The following EPB41L4A variants were observed in gnomAD, a reference collection of about 807,000 sequenced individuals.
The protein encoded by EPB41L4A is band 4.1-like protein 4A.
A neutral mutation model predicts 108.6 loss-of-function variants in EPB41L4A; 100 were observed. That is an observed-to-expected ratio of 0.92 (90% CI 0.78 to 1.09). EPB41L4A has a LOEUF of 1.09. Among genes scored for constraint, EPB41L4A ranks in the 50% least tolerant of loss-of-function variants. EPB41L4A has a pLI of 0.00. For synonymous variants in EPB41L4A, 319 were observed against 289.0 expected (o/e 1.10, Z -1.05); for missense variants, 1,030 against 842.7 (o/e 1.22, Z -2.75).
intron 4 of EPB41L4A, among the ~76,000 whole-genome samples, chr5:112,267,709 C>T (rs1381561677): frequency 6.6e-6 from 1 of 152,128 alleles, no homozygotes; most frequent in African/African-American, 2.4e-5. Flanking sequence ...CTCATACTTA[C>T]TTTCCTTCCA....
At chr5:112,328,312 A>C (rs2150653518) in intron 1 of EPB41L4A, among the ~76,000 whole-genome samples, 1 of 152,262 alleles carries the variant, frequency 6.6e-6, no homozygotes, top group East Asian at 1.9e-4. Context: ...CCGACACAAA[A>C]AAAATAAAAA....
chr5:112,212,904 C>T (rs1747315010), intron 12 of EPB41L4A, among the ~76,000 whole-genome samples: 2 of 152,174 alleles, frequency 1.3e-5, no homozygotes, highest in Admixed American at 1.3e-4. Context: ...GTCTAACAAT[C>T]AATTACTTTA....
At chr5:112,280,374 C>T in intron 2 of EPB41L4A, 51 bp from the exon 3 acceptor site, 1 of 1,521,810 alleles carries the variant, frequency 6.6e-7, no homozygotes, top group South Asian at 1.1e-5. Context: ...TTTTCATTAG[C>T]TTTTACTTCA....
chr5:112,373,493 T>C (rs1174503299), intron 1 of EPB41L4A, among the ~76,000 whole-genome samples: 1 of 152,250 alleles, frequency 6.6e-6, no homozygotes, highest in Admixed American at 6.5e-5. Context: ...ACCTATATCT[T>C]ATTTCCATTA....
At chr5:112,373,414 C>T (rs1463763639) in intron 1 of EPB41L4A, among the ~76,000 whole-genome samples, 1 of 152,236 alleles carries the variant, frequency 6.6e-6, no homozygotes, top group Non-Finnish European at 1.5e-5. Flanking sequence ...GGTTTCCTCT[C>T]TCCCTATAGC....
chr5:112,181,384 G>A (rs6875983), intron 18 of EPB41L4A, among the ~76,000 whole-genome samples: 3,256 of 151,952 alleles, frequency 0.021, 115 homozygotes, highest in African/African-American at 0.066. Context: ...CCCGGGAGGC[G>A]GAGCTTGCAG....
intron 1 of EPB41L4A, among the ~76,000 whole-genome samples, chr5:112,402,894 G>C (rs1330750297): frequency 6.6e-6 from 1 of 152,098 alleles, no homozygotes; most frequent in Non-Finnish European, 1.5e-5. Context: ...TTAAAAGGAA[G>C]ATTAAGCCTT....
chr5:112,337,418 A>G (rs1051936320), intron 1 of EPB41L4A, among the ~76,000 whole-genome samples: 1 of 152,196 alleles, frequency 6.6e-6, no homozygotes, highest in South Asian at 2.1e-4. Flanking sequence ...CAGTAATGCT[A>G]CTAATAATTG....
At chr5:112,172,262 G>A (rs1029722513) in intron 18 of EPB41L4A, among the ~76,000 whole-genome samples, 3 of 152,142 alleles carry the variant, frequency 2.0e-5, no homozygotes, top group African/African-American at 7.2e-5. Context: ...TGTAATCCCA[G>A]CACTTTGGGA....
At chr5:112,182,501 A>C (rs1209808832) in intron 18 of EPB41L4A, among the ~76,000 whole-genome samples, 1 of 152,140 alleles carries the variant, frequency 6.6e-6, no homozygotes, top group Non-Finnish European at 1.5e-5. Context: ...ACTTTTTCTA[A>C]TTTTATTTTA....
At chr5:112,335,335 G>C (rs1446760476) in intron 1 of EPB41L4A, among the ~76,000 whole-genome samples, 1 of 152,200 alleles carries the variant, frequency 6.6e-6, no homozygotes, top group Non-Finnish European at 1.5e-5. Flanking sequence ...ATAAGAGGAA[G>C]ATTAATCGAT....
chr5:112,177,350 T>C (rs1760920619), intron 18 of EPB41L4A, among the ~76,000 whole-genome samples: 1 of 152,220 alleles, frequency 6.6e-6, no homozygotes, highest in East Asian at 1.9e-4. Flanking sequence ...TCCTCTTCTG[T>C]CACCTCTTCC....
rs80215142 is a variant in EPB41L4A, at chr5:112,336,952, G to A, written c.100-29462C>T. Among the ~76,000 whole-genome samples, 660 of 152,176 alleles carry A rather than the reference G, an allele frequency of 4.3e-3. 3 individuals are homozygous for A. The highest frequency in any genetic ancestry group is 0.014 in the Middle Eastern group (4 of 294). On this transcript the variant is annotated intron_variant, in intron 1 of 22. Transcript: ENST00000261486. ...GTCTGTTCATATACCTTGCTCATAA[G>A]ACAACAAATACAACCTGTCTGTAGT...
At chr5:112,269,351 G>A (rs1392299354) in intron 4 of EPB41L4A, among the ~76,000 whole-genome samples, 1 of 151,812 alleles carries the variant, frequency 6.6e-6, no homozygotes, top group Non-Finnish European at 1.5e-5. Flanking sequence ...AGAGTCATAA[G>A]GCAAATTTGT....
At chr5:112,195,779 GAGTTTCACTTC>G in intron 15 of EPB41L4A, 71 bp from the exon 16 acceptor site, 2 of 1,343,460 alleles carry the variant, frequency 1.5e-6, no homozygotes, top group Non-Finnish European at 2.1e-6. Flanking sequence ...ACACCAAAAT[GAGTTTCACTTC>G]AGTTAACACA....
intron 9 of EPB41L4A, among the ~76,000 whole-genome samples, chr5:112,247,708 T>G (rs1244138194): frequency 6.6e-6 from 1 of 152,188 alleles, no homozygotes; most frequent in Non-Finnish European, 1.5e-5. Flanking sequence ...ATTGGGGGTT[T>G]GAGTCAGGTT....
chr5:112,412,917 C>T (rs1276586908), intron 1 of EPB41L4A, among the ~76,000 whole-genome samples: 2 of 152,216 alleles, frequency 1.3e-5, no homozygotes, highest in African/African-American at 4.8e-5. Context: ...AATGTATTTA[C>T]ACCATCTTTT....
intron 12 of EPB41L4A, among the ~76,000 whole-genome samples, chr5:112,147,162 CTT>C (rs1759289494): frequency 6.6e-6 from 1 of 151,734 alleles, no homozygotes; most frequent in Admixed American, 6.6e-5. Flanking sequence ...CCAGGAATGT[CTT>C]GAATTAGTAT....
chr5:112,233,936 C>A (rs1749140873), intron 12 of EPB41L4A, among the ~76,000 whole-genome samples: 1 of 152,064 alleles, frequency 6.6e-6, no homozygotes, highest in Admixed American at 6.5e-5. Context: ...TCCAGCCATC[C>A]TCCTGCTTCA....
Sources: allele counts gnomAD v4.1 joint callset (sites outside exome capture counted in the v4.1 genomes callset), GRCh38; gene constraint gnomAD v4.1.1; transcripts MANE v1.5; gene names NCBI Gene and HGNC (gene_info 2026-07-23, HGNC 2026-07-21).